The following LGR5 variants were observed in gnomAD, a reference collection of about 807,000 sequenced individuals.
LGR5 encodes leucine rich repeat containing G protein-coupled receptor 5.
A neutral mutation model predicts 76.7 loss-of-function variants in LGR5; 54 were observed. That is an observed-to-expected ratio of 0.70 (90% CI 0.57 to 0.88). The LOEUF (loss-of-function observed/expected upper bound fraction) is 0.88, where lower values mean the gene tolerates loss of function less well. Ranked by LOEUF, LGR5 falls within the 40% of genes least tolerant of loss-of-function variation. The pLI is 0.00. For synonymous variants in LGR5, 406 were observed against 421.9 expected (o/e 0.96, Z 0.46); for missense variants, 1,078 against 1,073.3 (o/e 1.00, Z -0.06).
At chr12:71,571,466 T>G in intron 11 of LGR5, 48 bp from the exon 12 acceptor site, 2 of 1,356,778 alleles carry the variant, frequency 1.5e-6, no homozygotes, top group Non-Finnish European at 2.1e-6. Context: ...TGTTTCTTTA[T>G]GATTTATTTG....
rs143203116 is a variant in LGR5 at position 71,580,374 on chromosome 12, C to G, written c.1503C>G (p.Ser501Arg). The change falls in exon 16 of 18, where the codon AGC (serine) becomes AGG (arginine). Residue 501 changes from serine (S) to arginine (R), a missense_variant. Ser to Arg is a moderately radical substitution (Grantham distance 110, BLOSUM62 -1). Coordinates refer to ENST00000266674, the MANE Select transcript of LGR5 (RefSeq NM_003667.4). ...ISNQWNKGDN[S>R]SMDDLHKKDA... ...ATCAATGGAATAAAGGTGACAACAG[C>G]AGTATGGACGACCTTCATAAGAAAG... is the stretch of plus-strand genomic sequence containing the variant. 1.5e-3 allele frequency: 2,463 copies of G among 1,613,884 alleles called. 47 individuals are homozygous for G. The Admixed American group carries it at 0.032, about 21-fold the overall frequency.
At chr12:71,500,076 T>C (rs545317330) in intron 1 of LGR5, among the ~76,000 whole-genome samples, 31 of 152,086 alleles carry the variant, frequency 2.0e-4, no homozygotes, top group African/African-American at 7.2e-4. Flanking sequence ...AAGGGAAAAG[T>C]TAAAGATGAC....
chr12:71,487,782 C>T (rs1345815701), intron 1 of LGR5, among the ~76,000 whole-genome samples: 1 of 152,168 alleles, frequency 6.6e-6, no homozygotes, highest in Admixed American at 6.5e-5. Context: ...GGGGTCCAGT[C>T]TTCATAATCT....
At chr12:71,574,077 G>A (rs1878739296) in intron 13 of LGR5, among the ~76,000 whole-genome samples, 2 of 151,740 alleles carry the variant, frequency 1.3e-5, no homozygotes, top group African/African-American at 4.8e-5. Flanking sequence ...TAAAAGGCAG[G>A]CGGATCACGA....
At chr12:71,486,188 T>C (rs67764375) in intron 1 of LGR5, among the ~76,000 whole-genome samples, 13,635 of 152,260 alleles carry the variant, frequency 0.09, 655 homozygotes, top group Non-Finnish European at 0.11. Flanking sequence ...AAGCTGAAAG[T>C]GTGACCAAAT....
intron 1 of LGR5, among the ~76,000 whole-genome samples, chr12:71,462,778 T>G (rs1427206302): frequency 6.6e-6 from 1 of 152,142 alleles, no homozygotes; most frequent in Non-Finnish European, 1.5e-5. Flanking sequence ...ACACCTCACT[T>G]AAGGACCCAT....
chr12:71,458,946 G>A (rs556892587), intron 1 of LGR5, among the ~76,000 whole-genome samples: 2 of 152,136 alleles, frequency 1.3e-5, no homozygotes, highest in East Asian at 1.9e-4. Flanking sequence ...CTTGGGAAAC[G>A]ACATTTAATC....
chr12:71,519,393 A>G (rs1276532516), intron 2 of LGR5, among the ~76,000 whole-genome samples: 2 of 152,084 alleles, frequency 1.3e-5, no homozygotes, highest in African/African-American at 2.4e-5. Flanking sequence ...TTCATGTTAT[A>G]TTATTCACTT....
At chr12:71,567,093 A>G (rs965535044) in intron 11 of LGR5, 181 bp downstream of exon 11, 1 of 606,210 alleles carries the variant, frequency 1.6e-6, no homozygotes, top group Non-Finnish European at 3.0e-6. Context: ...CCTGGTAACA[A>G]ATGGTAATGT....
rs1483293122 is a variant in LGR5 at position 71,504,654 on chromosome 12, C to T, written c.253C>T (p.Pro85Ser). 1.2e-6 allele frequency: 2 copies of T among 1,614,068 alleles called. No individual in the cohort carries two copies. The highest frequency in any genetic ancestry group is 1.7e-6 in the Non-Finnish European group (2 of 1,179,950). ...CAACATCAGTCAGCTGCTCCCGAAT[C>T]CCCTGCCCAGTCTCCGCTTCCTGGA... is the stretch of plus-strand genomic sequence containing the variant. ...MNNISQLLPN[P>S]LPSLRFLEEL... The change falls in exon 2 of 18, where the codon CCC becomes TCC. Residue 85 changes from proline to serine, a missense_variant. Coordinates refer to ENST00000266674, the MANE Select transcript of LGR5 (RefSeq NM_003667.4).
At chr12:71,477,065 A>G (rs1390797117) in intron 1 of LGR5, among the ~76,000 whole-genome samples, 1 of 152,324 alleles carries the variant, frequency 6.6e-6, no homozygotes, top group East Asian at 1.9e-4. Context: ...AGAAAATGAC[A>G]TGGAATAAGG....
At chr12:71,470,170 G>C (rs1219790579) in intron 1 of LGR5, among the ~76,000 whole-genome samples, 3 of 152,164 alleles carry the variant, frequency 2.0e-5, no homozygotes, top group Non-Finnish European at 2.9e-5. Context: ...ATCACCTAAA[G>C]GGAAAGTTGC....
intron 1 of LGR5, among the ~76,000 whole-genome samples, chr12:71,467,198 T>C (rs1417586920): frequency 6.6e-6 from 1 of 152,110 alleles, no homozygotes; most frequent in African/African-American, 2.4e-5. Context: ...TGAAAAGAGA[T>C]CTGTCTGATT....
intron 3 of LGR5, among the ~76,000 whole-genome samples, chr12:71,533,177 T>C (rs148796538): frequency 0.019 from 2,897 of 152,078 alleles, 97 homozygotes; most frequent in African/African-American, 0.067. Flanking sequence ...AAACCCCATC[T>C]CTACTAAAAA....
At chr12:71,500,581 G>A (rs1010185254) in intron 1 of LGR5, among the ~76,000 whole-genome samples, 4 of 151,816 alleles carry the variant, frequency 2.6e-5, no homozygotes, top group Non-Finnish European at 5.9e-5. Flanking sequence ...GGGACTACAG[G>A]CACACACCAC....
chr12:71,459,285 T>C (rs967946449), intron 1 of LGR5, among the ~76,000 whole-genome samples: 1 of 152,146 alleles, frequency 6.6e-6, no homozygotes, highest in Non-Finnish European at 1.5e-5. Context: ...ATCTCATTCA[T>C]TTTCAATTCT....
chr12:71,535,205 G>T lies in LGR5; in HGVS notation c.428+19G>T, dbSNP rs918054329. The T allele has an allele frequency of 6.7e-7, 1 of 1,498,842 alleles. No individual in the cohort carries two copies. The highest frequency in any genetic ancestry group is 9.3e-7 in the Non-Finnish European group (1 of 1,078,886). 92.8% of individuals were successfully genotyped at this position (1,498,842 alleles called of 1,614,324 possible). ...AATCCCTGTAAGTATAGTAGACATT[G>T]CAAAATATATTTAAGATCAATTTGG... is the stretch of plus-strand genomic sequence containing the variant. On this transcript the variant is annotated intron_variant, in intron 4 of 17. Coordinates refer to ENST00000266674, the MANE Select transcript of LGR5 (RefSeq NM_003667.4).
Position 71,584,946 on chromosome 12 carries a change from AGG to A in LGR5, c.*214_*215del. On this transcript the variant is annotated 3_prime_UTR_variant, in exon 18 of 18. Transcript: ENST00000266674. ...CTGCTTTGTATAATTTGTTCAGCTA[AGG>A]GATAGATCGATCACACTATTTAAGT... 4 of 554,746 alleles carry A rather than the reference AGG, an allele frequency of 7.2e-6. No homozygotes were observed. The highest frequency in any genetic ancestry group is 1.3e-5 in the Non-Finnish European group (4 of 315,768). The allele number at this position is 554,746 out of a possible 1,614,324, so 34.4% of individuals were successfully genotyped here. A position where few individuals can be genotyped will look rare whatever the true frequency, so the allele number is the denominator to read the frequency against.
At chr12:71,578,980 A>G (rs1239751577) in intron 15 of LGR5, 51 bp downstream of exon 15, 3 of 1,530,122 alleles carry the variant, frequency 2.0e-6, no homozygotes, top group Non-Finnish European at 2.7e-6. Flanking sequence ...ATGTGAAATA[A>G]TAGATGTATT....
Sources: gnomAD v4.1 joint callset for allele counts (sites outside exome capture counted in the v4.1 genomes callset) on GRCh38, gnomAD v4.1.1 for gene constraint, MANE v1.5 for transcripts, NCBI Gene and HGNC (gene_info 2026-07-23, HGNC 2026-07-21) for gene names.